Variants in MPHOSPH9 observed in about 807,000 individuals in gnomAD.
The protein encoded by MPHOSPH9 is M-phase phosphoprotein 9.
Under a neutral mutation model 145.5 loss-of-function variants are expected in MPHOSPH9, and 88 were observed. The observed-to-expected ratio is 0.60, with a 90% CI of 0.51 to 0.72. The LOEUF (loss-of-function observed/expected upper bound fraction) is 0.72, where lower values mean the gene tolerates loss of function less well. MPHOSPH9 is among the 30% of genes least tolerant of loss of function. The pLI, the probability that MPHOSPH9 is intolerant of heterozygous loss-of-function variation, is 0.00. For synonymous variants in MPHOSPH9, 435 were observed against 486.2 expected (o/e 0.89, Z 1.39); for missense variants, 1,238 against 1,386.6 (o/e 0.89, Z 1.70).
chr12:123,207,936 G>C (rs1287976706), intron 8 of MPHOSPH9, among the ~76,000 whole-genome samples: 2 of 151,360 alleles, frequency 1.3e-5, no homozygotes, highest in Non-Finnish European at 2.9e-5. Flanking sequence ...TTATTTCTTT[G>C]CTCTTAAATT....
At chr12:123,195,377 G>T (rs899752267) in intron 12 of MPHOSPH9, among the ~76,000 whole-genome samples, 5 of 151,280 alleles carry the variant, frequency 3.3e-5, no homozygotes, top group African/African-American at 1.2e-4. Context: ...ACGAGGTCAG[G>T]AGTTCAAGAG....
intron 11 of MPHOSPH9, among the ~76,000 whole-genome samples, chr12:123,198,870 G>C (rs1211025480): frequency 9.9e-6 from 1 of 101,144 alleles, no homozygotes; most frequent in Non-Finnish European, 2.0e-5. Context: ...ATAAAAAAAA[G>C]ACATGCATAA....
At chr12:123,221,334 G>C (rs771648430) in intron 5 of MPHOSPH9, 38 bp downstream of exon 5, 224 of 1,452,924 alleles carry the variant, frequency 1.5e-4, no homozygotes, top group Non-Finnish European at 2.0e-4. Context: ...GATTCTAAAT[G>C]TAATAAACTC....
chr12:123,235,931 G>A (rs939005088), upstream of MPHOSPH9, among the ~76,000 whole-genome samples: 1 of 152,044 alleles, frequency 6.6e-6, no homozygotes, highest in Non-Finnish European at 1.5e-5. Context: ...GGGCGTGGTG[G>A]CTGGTGCCTA....
At chr12:123,193,106 T>TATAC (rs1211411871) in intron 13 of MPHOSPH9, among the ~76,000 whole-genome samples, 1 of 97,260 alleles carries the variant, frequency 1.0e-5, no homozygotes, top group African/African-American at 4.5e-5. Flanking sequence ...AATATATATA[T>TATAC]ATACACACAC....
At position 123,161,202 on chromosome 12, in the gene MPHOSPH9, T is replaced by C. The variant is rs968087732; in HGVS notation, c.3315A>G (p.Thr1105=). The C allele has an allele frequency of 6.2e-7, 1 of 1,614,102 alleles. No individual in the cohort carries two copies. Among genetic ancestry groups the C allele is most frequent in the African/African-American group, 1.3e-5 (1 of 74,944 alleles). The change falls in exon 22 of 24, where the codon ACA becomes ACG. Residue 1105 remains threonine (T), a synonymous_variant. Transcript: ENST00000606320. ...TTTCAGCTAGGGTCCGAATTTTTGC[T>C]GTATATTCAAAATCATTCCCCTGTG... ...VTPQGNDFEY[T]AKIRTLAETE...
chr12:123,242,211 C>T (rs1363694986), intron 1 of MPHOSPH9, among the ~76,000 whole-genome samples: 1 of 152,148 alleles, frequency 6.6e-6, no homozygotes, highest in Non-Finnish European at 1.5e-5. Flanking sequence ...TAACTGCGAT[C>T]AGCCATTTAG....
intron 15 of MPHOSPH9, 108 bp from the exon 16 acceptor site, chr12:123,176,897 G>T: frequency 1.2e-6 from 1 of 835,644 alleles, no homozygotes; most frequent in Non-Finnish European, 1.9e-6. Context: ...TGGTAAAAGA[G>T]TTGCAAGTCC....
At chr12:123,195,458 C>G (rs968218021) in intron 12 of MPHOSPH9, among the ~76,000 whole-genome samples, 1 of 151,784 alleles carries the variant, frequency 6.6e-6, no homozygotes, top group Admixed American at 6.6e-5. Flanking sequence ...TAATGGCAGG[C>G]GCCTGTAATC....
At chr12:123,199,331 C>T (rs999325626) in intron 11 of MPHOSPH9, among the ~76,000 whole-genome samples, 2 of 152,062 alleles carry the variant, frequency 1.3e-5, no homozygotes, top group East Asian at 1.9e-4. Context: ...TATCACAGAT[C>T]CTCAAAATAA....
Position 123,156,902 on chromosome 12 carries a change from A to G in MPHOSPH9, c.3457T>C (p.Leu1153=). The change falls in exon 24 of 24, where the codon TTG becomes CTG. Residue 1153 remains leucine (L), a synonymous_variant. Transcript: ENST00000606320. ...TLQTRLNQEA[L]EDRLERINRE... is the part of the protein sequence containing the mutation. ...TTAATCCTTTCCAAACGATCTTCCA[A>G]GGCTTCCTAGGTGAAAACAATGGGA... 3.1e-6 allele frequency: 5 copies of G among 1,601,364 alleles called. No homozygotes were observed. Among genetic ancestry groups the G allele is most frequent in the Middle Eastern group, 1.7e-4 (1 of 5,984 alleles).
At chr12:123,160,961 A>C in intron 22 of MPHOSPH9, 112 bp from the exon 23 acceptor site, 1 of 1,354,972 alleles carries the variant, frequency 7.4e-7, no homozygotes, top group Non-Finnish European at 1.0e-6. Context: ...ATCTCAACTT[A>C]ATTTCCCTCT....
intron 1 of MPHOSPH9, chr12:123,232,854 G>C (rs1730892072): frequency 6.6e-6 from 1 of 152,120 alleles, no homozygotes. Context: ...CGATTGGGCC[G>C]CGCGAGTGTC....
chr12:123,226,294 C>A lies in MPHOSPH9; in HGVS notation c.258+1169G>T, dbSNP rs548810849. 79 of 1,118,774 alleles carry A rather than the reference C, an allele frequency of 7.1e-5. No homozygotes were observed. The African/African-American group carries it at 1.2e-3, about 17-fold the overall frequency. 69.3% of individuals were successfully genotyped at this position (1,118,774 alleles called of 1,614,324 possible). ...AATGGATATAAATAATTACACTTAG[C>A]AGTTGCTGCTATCGAATTCTTAAAC... On this transcript the variant is annotated intron_variant, in intron 3 of 23. Transcript: ENST00000606320.
chr12:123,213,701 T>C (rs562376557), intron 7 of MPHOSPH9, among the ~76,000 whole-genome samples: 37 of 152,292 alleles, frequency 2.4e-4, no homozygotes, highest in African/African-American at 8.7e-4. Context: ...CCCATTGTAA[T>C]TCGAGGAACA....
intron 23 of MPHOSPH9, among the ~76,000 whole-genome samples, chr12:123,158,602 G>A (rs1431469249): frequency 6.6e-6 from 1 of 152,028 alleles, no homozygotes; most frequent in Non-Finnish European, 1.5e-5. Context: ...AAAATTAAAA[G>A]AGAAACCTAA....
intron 7 of MPHOSPH9, among the ~76,000 whole-genome samples, chr12:123,212,173 A>G (rs959161126): frequency 6.6e-6 from 1 of 151,890 alleles, no homozygotes; most frequent in Non-Finnish European, 1.5e-5. Flanking sequence ...GATAAAGGGG[A>G]TATGTAGTGG....
At chr12:123,217,066 T>C (rs2046999664) in intron 6 of MPHOSPH9, among the ~76,000 whole-genome samples, 1 of 152,048 alleles carries the variant, frequency 6.6e-6, no homozygotes, top group Non-Finnish European at 1.5e-5. Context: ...CAAATTTAAA[T>C]AATTTTTTAA....
rs2044957413 is a variant in MPHOSPH9 at position 123,177,989 on chromosome 12, T to A, written c.2355-1200A>T. Among the ~76,000 whole-genome samples, 3 of 152,316 alleles carry A rather than the reference T, an allele frequency of 2.0e-5. No homozygotes were observed. The South Asian group carries it at 6.2e-4, about 32-fold the overall frequency. ...TATTTTCAAGTTTACCAACAGGAAA[T>A]AACTACTCTGGCCAACTGACTATTT... is the stretch of plus-strand genomic sequence containing the variant. On this transcript the variant is annotated intron_variant, in intron 15 of 23. Transcript: ENST00000606320.
Sources: gnomAD v4.1 joint callset for allele counts (sites outside exome capture counted in the v4.1 genomes callset) on GRCh38, gnomAD v4.1.1 for gene constraint, MANE v1.5 for transcripts, NCBI Gene and HGNC (gene_info 2026-07-23, HGNC 2026-07-21) for gene names.